The following PARD3B variants were observed in gnomAD, a reference collection of about 807,000 sequenced individuals.
PARD3B encodes partitioning defective 3 homolog B.
In PARD3B, 103 loss-of-function variants were observed where a neutral mutation model predicts 130.2. The ratio of observed to expected loss-of-function variants is 0.79; its 90% confidence interval spans 0.67 to 0.93. PARD3B has a LOEUF of 0.93. PARD3B is among the 40% of genes least tolerant of loss of function. PARD3B has a pLI of 0.00. For synonymous variants in PARD3B, 583 were observed against 553.2 expected (o/e 1.05, Z -0.76); for missense variants, 1,609 against 1,499.2 (o/e 1.07, Z -1.21).
At chr2:204,779,139 C>A (rs1559138253) in intron 2 of PARD3B, among the ~76,000 whole-genome samples, 1 of 152,128 alleles carries the variant, frequency 6.6e-6, no homozygotes, top group East Asian at 1.9e-4. Flanking sequence ...TTCTCCTCCC[C>A]CTCAGGTTTC....
chr2:204,667,137 T>C (rs553672240), intron 1 of PARD3B, among the ~76,000 whole-genome samples: 7 of 152,266 alleles, frequency 4.6e-5, no homozygotes, highest in Admixed American at 2.6e-4. Context: ...ATGGGTGTTA[T>C]AAAAATTACT....
intron 18 of PARD3B, chr2:205,347,892 G>A (rs1328067747): frequency 1.3e-5 from 2 of 150,244 alleles, no homozygotes; most frequent in Non-Finnish European, 3.0e-5. Flanking sequence ...CAGGAGCTGA[G>A]AAATAGGAGT....
chr2:205,262,874 T>C (rs2040367840), intron 16 of PARD3B, among the ~76,000 whole-genome samples: 1 of 152,108 alleles, frequency 6.6e-6, no homozygotes, highest in African/African-American at 2.4e-5. Context: ...AAATAATTTT[T>C]CTTAAAAATT....
chr2:205,583,396 T>TGA (rs2054069792), intron 22 of PARD3B, among the ~76,000 whole-genome samples: 1 of 71,228 alleles, frequency 1.4e-5, no homozygotes, highest in Non-Finnish European at 3.1e-5. Flanking sequence ...TGTGTGTGTG[T>TGA]GTGTGCGCGC....
intron 1 of PARD3B, among the ~76,000 whole-genome samples, chr2:204,566,225 A>G (rs749925580): frequency 3.2e-4 from 49 of 152,244 alleles, no homozygotes; most frequent in South Asian, 6.2e-4. Flanking sequence ...AATCAGCATC[A>G]GCACCAATTA....
chr2:204,647,891 A>G (rs778758827), intron 1 of PARD3B, among the ~76,000 whole-genome samples: 1 of 151,760 alleles, frequency 6.6e-6, no homozygotes, highest in Non-Finnish European at 1.5e-5. Context: ...GCTAACACAA[A>G]TGCTATGACA....
chr2:205,107,841 A>G (rs1703335481), intron 5 of PARD3B, among the ~76,000 whole-genome samples: 1 of 152,206 alleles, frequency 6.6e-6, no homozygotes, highest in Non-Finnish European at 1.5e-5. Context: ...ACAATGAAGC[A>G]AGAGGTTTGG....
chr2:204,739,197 T>C (rs1051694136), intron 2 of PARD3B, among the ~76,000 whole-genome samples: 3 of 152,208 alleles, frequency 2.0e-5, no homozygotes, highest in Admixed American at 2.0e-4. Flanking sequence ...TTTAAATGTG[T>C]GTGTTGGTTT....
At chr2:204,789,270 C>T (rs900970542) in intron 2 of PARD3B, among the ~76,000 whole-genome samples, 5 of 152,042 alleles carry the variant, frequency 3.3e-5, no homozygotes, top group Admixed American at 1.3e-4. Flanking sequence ...CATTTGGTCT[C>T]GAAATCCTGG....
chr2:205,548,067 T>C (rs963439511), intron 21 of PARD3B, among the ~76,000 whole-genome samples: 2 of 152,166 alleles, frequency 1.3e-5, no homozygotes, highest in Admixed American at 1.3e-4. Flanking sequence ...ATTTTCCTGG[T>C]TTTCTTCTGA....
intron 21 of PARD3B, among the ~76,000 whole-genome samples, chr2:205,540,319 G>A (rs2052067601): frequency 6.6e-6 from 1 of 151,786 alleles, no homozygotes; most frequent in African/African-American, 2.4e-5. Flanking sequence ...GCAGCTTAAA[G>A]TATTTTACAA....
intron 6 of PARD3B, among the ~76,000 whole-genome samples, chr2:205,114,465 A>G (rs1004263842): frequency 2.1e-5 from 3 of 142,748 alleles, no homozygotes; most frequent in Non-Finnish European, 4.7e-5. Context: ...TCTTAAACAC[A>G]TCATTGAAAA....
chr2:204,717,163 T>A (rs1292910648), intron 2 of PARD3B, among the ~76,000 whole-genome samples: 1 of 152,210 alleles, frequency 6.6e-6, no homozygotes, highest in Non-Finnish European at 1.5e-5. Flanking sequence ...TTTAGAAGCA[T>A]GAAGCATAAG....
intron 15 of PARD3B, among the ~76,000 whole-genome samples, chr2:205,198,686 G>C (rs2036825556): frequency 6.6e-6 from 1 of 151,864 alleles, no homozygotes; most frequent in African/African-American, 2.4e-5. Flanking sequence ...TCAAAGATGA[G>C]CATGAAAAAA....
intron 3 of PARD3B, among the ~76,000 whole-genome samples, chr2:204,976,603 A>ATTTTTTTTTTTTTTTTT (rs35902126): frequency 1.2e-5 from 1 of 83,206 alleles, no homozygotes; most frequent in African/African-American, 4.7e-5. Context: ...TAGGTAATTG[A>ATTTTTTTTTTTTTTTTT]TTTTTTTTTT....
intron 2 of PARD3B, among the ~76,000 whole-genome samples, chr2:204,787,017 T>A (rs2042033800): frequency 6.6e-6 from 1 of 152,138 alleles, no homozygotes; most frequent in Non-Finnish European, 1.5e-5. Context: ...CAACAACACG[T>A]ACTTTTTTTG....
rs1363286730 is a variant in PARD3B at position 205,281,772 on chromosome 2, G to A, written c.2186-18758G>A. Among the ~76,000 whole-genome samples the A allele has an allele frequency of 1.3e-5, 2 of 152,146 alleles. No homozygotes were observed. Among genetic ancestry groups the A allele is most frequent in the African/African-American group, 4.8e-5 (2 of 41,434 alleles). On this transcript the variant is annotated intron_variant, in intron 16 of 22. Coordinates refer to ENST00000406610, the MANE Select transcript of PARD3B (RefSeq NM_001302769.2). The surrounding 1 kb of genome is among the most constrained non-coding windows in gnomAD (Gnocchi z 4.2). ...CAGTGATGAAACTCCTGGGCAGGTT[G>A]TCTACATTAAAAGTACCTGTTTTTC... is the stretch of plus-strand genomic sequence containing the variant.
At chr2:204,911,497 A>G (rs1575283133) in intron 2 of PARD3B, among the ~76,000 whole-genome samples, 1 of 152,242 alleles carries the variant, frequency 6.6e-6, no homozygotes, top group East Asian at 1.9e-4. Flanking sequence ...AACATCTTCA[A>G]TAATATGAAA....
chr2:205,089,936 C>T (rs1157295564), intron 4 of PARD3B, among the ~76,000 whole-genome samples: 1 of 152,142 alleles, frequency 6.6e-6, no homozygotes, highest in Admixed American at 6.5e-5. Flanking sequence ...GTTGCCATTC[C>T]TTCTGAAGAG....
Sources: allele counts gnomAD v4.1 joint callset (sites outside exome capture counted in the v4.1 genomes callset), GRCh38; gene constraint gnomAD v4.1.1; non-coding constraint Gnocchi (gnomAD v3.1); transcripts MANE v1.5; gene names NCBI Gene and HGNC (gene_info 2026-07-23, HGNC 2026-07-21).